GFAP: variants seen among roughly 807,000 people sequenced by gnomAD.
GFAP encodes glial fibrillary acidic protein.
GFAP carries 38 observed loss-of-function variants against 49.3 expected under a neutral mutation model. The observed-to-expected ratio is 0.77, with a 90% CI of 0.60 to 1.01. The LOEUF is 1.01. Ranked by LOEUF, GFAP falls within the 50% of genes least tolerant of loss-of-function variation. GFAP has a pLI of 0.00. For synonymous variants in GFAP, 222 were observed against 236.4 expected (o/e 0.94, Z 0.56); for missense variants, 463 against 579.1 (o/e 0.80, Z 2.06).
intron 1 of GFAP, chr17:44,914,372 C>T: frequency 2.1e-6 from 1 of 482,358 alleles, no homozygotes; most frequent in Non-Finnish European, 3.7e-6. Context: ...GTTGCACACA[C>T]ACACACACAC....
At chr17:44,910,290 A>C in intron 7 of GFAP, 1 of 1,613,892 alleles carries the variant, frequency 6.2e-7, no homozygotes, top group Non-Finnish European at 8.5e-7. Flanking sequence ...AAAAAACAAA[A>C]ACAGAAAACA....
At position 44,914,756 on chromosome 17, in the gene GFAP, C is replaced by G. The variant is rs367776670; in HGVS notation, c.461+270G>C. Reference sequence around the variant, plus strand: ...AGCCATGAATGAAACACAGGGGCCCCGCTGCTCCTGCACTGCTTTCCCCAG... The same window carrying G: ...AGCCATGAATGAAACACAGGGGCCCGGCTGCTCCTGCACTGCTTTCCCCAG... On this transcript the variant is annotated intron_variant, in intron 1 of 8. Transcript: ENST00000588735. 360 of 530,882 alleles carry G rather than the reference C, an allele frequency of 6.8e-4. 1 individual carries two copies. The highest frequency in any genetic ancestry group is 5.8e-3 in the African/African-American group (305 of 52,530). 32.9% of individuals were successfully genotyped at this position (530,882 alleles called of 1,614,324 possible). A position where few individuals can be genotyped will look rare whatever the true frequency, so the allele number is the denominator to read the frequency against.
Position 44,904,768 on chromosome 17 carries a change from G to A in GFAP, c.*2579C>T. ...AGCACCTCTACCGCACACAGTACCT[G>A]AAGGGTGTCAACAGGTCCATGAGGG... On this transcript the variant is annotated 3_prime_UTR_variant, in exon 9 of 9. Transcript: ENST00000588735. The A allele has an allele frequency of 1.3e-6, 2 of 1,550,678 alleles. No homozygotes were observed. Among genetic ancestry groups the A allele is most frequent in the Non-Finnish European group, 1.7e-6 (2 of 1,147,014 alleles).
rs1247184466 is a variant in GFAP, at chr17:44,904,120, C to T, written c.*3227G>A. ...AGGCAGCCCAGGTACGTGTGGGCAGCGACATGCTGACCCGCTTCAGCATCC... is the reference window on the plus strand; with the variant it reads ...AGGCAGCCCAGGTACGTGTGGGCAGTGACATGCTGACCCGCTTCAGCATCC... On this transcript the variant is annotated 3_prime_UTR_variant, in exon 9 of 9. Coordinates refer to ENST00000588735, the MANE Select transcript of GFAP (RefSeq NM_002055.5). The T allele has an allele frequency of 3.5e-5, 55 of 1,550,436 alleles. No individual in the cohort carries two copies. Among genetic ancestry groups the T allele is most frequent in the East Asian group, 7.3e-5 (3 of 40,932 alleles).
At position 44,915,010 on chromosome 17, in the gene GFAP, C is replaced by A. The variant is rs2051874014; in HGVS notation, c.461+16G>T. On this transcript the variant is annotated intron_variant, in intron 1 of 8. Coordinates refer to ENST00000588735, the MANE Select transcript of GFAP (RefSeq NM_002055.5). This position sits in a 1 kb window ranked among gnomAD's most constrained non-coding sequence, Gnocchi z 4.1. ...CCTTCTGCTCACAAGGCCCCCCTTC[C>A]CCATCCCCTCCTCACTTCTGCCTCA... The A allele has an allele frequency of 6.2e-7, 1 of 1,601,580 alleles. No individual in the cohort carries two copies. The highest frequency in any genetic ancestry group is 8.5e-7 in the Non-Finnish European group (1 of 1,174,568).
rs78994946 is a variant in GFAP at position 44,910,144 on chromosome 17, G to A, written c.1171+471C>T. 0.026 allele frequency: 42,570 copies of A among 1,613,924 alleles called. 665 individuals are homozygous for A. The highest frequency in any genetic ancestry group is 0.029 in the Non-Finnish European group (34,723 of 1,179,830). ...GTCTGAGAGGCAGGCAGCTAACCGC[G>A]AGCCGGCGGCGTTCCATTTACAATC... On this transcript the variant is annotated intron_variant, in intron 7 of 8. Coordinates refer to ENST00000588735, the MANE Select transcript of GFAP (RefSeq NM_002055.5).
chr17:44,906,795 C>A lies in GFAP; in HGVS notation c.*552G>T. On this transcript the variant is annotated 3_prime_UTR_variant, in exon 9 of 9. Coordinates refer to ENST00000588735, the MANE Select transcript of GFAP (RefSeq NM_002055.5). ...CTGCTTGAGCCCAGGAGTTCAAGGT[C>A]AGCCTAGGCAGCATAGGGATATCCC... 5.3e-6 allele frequency: 1 copy of A among 187,012 alleles called. No individual in the cohort carries two copies. The highest frequency in any genetic ancestry group is 1.1e-5 in the Non-Finnish European group (1 of 88,242). The allele number at this position is 187,012 out of a possible 1,614,324, so 11.6% of individuals were successfully genotyped here.
At chr17:44,910,315 G>C in intron 7 of GFAP, 14 of 1,613,674 alleles carry the variant, frequency 8.7e-6, no homozygotes, top group Non-Finnish European at 1.1e-5. Flanking sequence ...GAAGGGCAGT[G>C]CTTGCTCAGG....
At chr17:44,908,391 CCT>C in intron 7 of GFAP, 1 of 417,750 alleles carries the variant, frequency 2.4e-6, no homozygotes. Flanking sequence ...CTCTGCAAGC[CCT>C]GGCCTGGCAC....
intron 5 of GFAP, 40 bp downstream of exon 5, chr17:44,911,632 C>G (rs1427312395): frequency 1.9e-6 from 3 of 1,605,588 alleles, no homozygotes; most frequent in Non-Finnish European, 2.5e-6. Flanking sequence ...GGTGGCCGTC[C>G]CTGCTCCGCC....
intron 4 of GFAP, chr17:44,912,680 T>C: frequency 6.1e-6 from 1 of 164,200 alleles, no homozygotes; most frequent in Non-Finnish European, 1.3e-5. Context: ...AAATGCCCCC[T>C]CTACAGTGTC....
rs752042929 is a variant in GFAP at position 44,904,826 on chromosome 17, C to A, written c.*2521G>T. ...TGACCACGGCAACCAGCTCCACATC[C>A]GCTTCACCCAGCTGGATGACCGGGG... is the stretch of plus-strand genomic sequence containing the variant. On this transcript the variant is annotated 3_prime_UTR_variant, in exon 9 of 9. Transcript: ENST00000588735. The A allele has an allele frequency of 6.4e-7, 1 of 1,550,672 alleles. No homozygotes were observed. The highest frequency in any genetic ancestry group is 1.4e-5 in the African/African-American group (1 of 73,178).
Position 44,911,669 on chromosome 17 carries a change from C to T in GFAP, c.906+3G>A, listed in dbSNP as rs200366454. 1.9e-6 allele frequency: 3 copies of T among 1,612,468 alleles called. No individual in the cohort carries two copies. In the East Asian group the frequency reaches 6.7e-5, roughly 36 times the overall value. ...GTCCCCGTCCTGCCCTGGCCGCGCTCACCGTGCCGCGCAGAGACTCCAGGT... is the reference window on the plus strand; with the variant it reads ...GTCCCCGTCCTGCCCTGGCCGCGCTTACCGTGCCGCGCAGAGACTCCAGGT... On this transcript the variant is annotated splice_donor_region_variant and intron_variant, in intron 5 of 8. Transcript: ENST00000588735.
chr17:44,908,620 G>A (rs2145627298), intron 7 of GFAP: 1 of 153,680 alleles, frequency 6.5e-6, no homozygotes, highest in Non-Finnish European at 1.4e-5. Context: ...CAGCACTTTG[G>A]GAGGCCGAGG....
rs1237637191 is a variant in GFAP at position 44,910,982 on chromosome 17, T to C, written c.1127+254A>G. 8 of 606,622 alleles carry C rather than the reference T, an allele frequency of 1.3e-5. No homozygotes were observed. The East Asian group carries it at 2.2e-4, about 17-fold the overall frequency. The allele number at this position is 606,622 out of a possible 1,614,324, so 37.6% of individuals were successfully genotyped here. On this transcript the variant is annotated intron_variant, in intron 6 of 8. Coordinates refer to ENST00000588735, the MANE Select transcript of GFAP (RefSeq NM_002055.5). The stretch of plus-strand genomic sequence containing the variant: ...ATCTTGGCTGGGAAGATGGGGAGTA[T>C]GCCTCTTAGTTTGGAGGGTGACCCA...
rs1200989417 is a variant in GFAP at position 44,905,012 on chromosome 17, A to G, written c.*2335T>C. ...GCTCATCACAGCAGTCTTTGTCACCATTCACTTCTGTCGTTGCTGCTGCTA... is the reference window on the plus strand; with the variant it reads ...GCTCATCACAGCAGTCTTTGTCACCGTTCACTTCTGTCGTTGCTGCTGCTA... On this transcript the variant is annotated 3_prime_UTR_variant, in exon 9 of 9. Transcript: ENST00000588735. 1 of 1,550,700 alleles carries G rather than the reference A, an allele frequency of 6.4e-7. No homozygotes were observed. The highest frequency in any genetic ancestry group is 8.7e-7 in the Non-Finnish European group (1 of 1,146,864).
chr17:44,904,427 C>A lies in GFAP; in HGVS notation c.*2920G>T, dbSNP rs2051617695. On this transcript the variant is annotated 3_prime_UTR_variant, in exon 9 of 9. Coordinates refer to ENST00000588735, the MANE Select transcript of GFAP (RefSeq NM_002055.5). The stretch of plus-strand genomic sequence containing the variant: ...CCTCTGCTACCTGCAGAGCCCAGAC[C>A]TCTCCCCACGCTACCTCAAGGCCGT... The A allele has an allele frequency of 6.5e-7, 1 of 1,541,758 alleles. No homozygotes were observed. The highest frequency in any genetic ancestry group is 1.7e-4 in the Middle Eastern group (1 of 5,966).
intron 5 of GFAP, 74 bp from the exon 6 acceptor site, chr17:44,911,530 C>T (rs1597858435): frequency 1.9e-6 from 3 of 1,549,144 alleles, no homozygotes; most frequent in East Asian, 2.3e-5. Flanking sequence ...GGCCCCCGGC[C>T]CCAGGCCCCG....
rs2051601188 is a variant in GFAP at position 44,903,679 on chromosome 17, G to A, written c.*3668C>T. The A allele has an allele frequency of 7.0e-7, 1 of 1,435,774 alleles. No individual in the cohort carries two copies. Among genetic ancestry groups the A allele is most frequent in the Admixed American group, 2.9e-5 (1 of 34,836 alleles). The allele number at this position is 1,435,774 out of a possible 1,614,324, so 88.9% of individuals were successfully genotyped here. A position where few individuals can be genotyped will look rare whatever the true frequency, so the allele number is the denominator to read the frequency against. On this transcript the variant is annotated 3_prime_UTR_variant, in exon 9 of 9. Coordinates refer to ENST00000588735, the MANE Select transcript of GFAP (RefSeq NM_002055.5). ...CTGGGAATAAATTGCCTTGCACTTG[G>A]CGGCTTCCTCTGCAGATTGTTGCTG...
Sources: gnomAD v4.1 joint callset for allele counts on GRCh38, gnomAD v4.1.1 for gene constraint, Gnocchi (gnomAD v3.1) non-coding constraint, MANE v1.5 for transcripts, NCBI Gene and HGNC (gene_info 2026-07-23, HGNC 2026-07-21) for gene names.